RPS6KC1: variants seen among roughly 807,000 people sequenced by gnomAD.
RPS6KC1 encodes the protein ribosomal protein S6 kinase C1, also known as inactive ribosomal protein S6 kinase delta-1.
Under a neutral mutation model 103.8 loss-of-function variants are expected in RPS6KC1, and 54 were observed. The ratio of observed to expected loss-of-function variants is 0.52; its 90% CI spans 0.42 to 0.65. RPS6KC1 has a LOEUF of 0.65. RPS6KC1 is among the 30% of genes least tolerant of loss of function. RPS6KC1 has a pLI of 0.00. For synonymous variants in RPS6KC1, 439 were observed against 438.7 expected (o/e 1.00, Z -0.01); for missense variants, 1,151 against 1,253.8 (o/e 0.92, Z 1.24).
At chr1:213,338,248 C>A in the RPS6KC1 span, among the ~76,000 whole-genome samples, 1 of 152,166 alleles carries the variant, frequency 6.6e-6, no homozygotes, top group Non-Finnish European at 1.5e-5. Context: ...AACTTCACTC[C>A]CCCTTATGTG....
chr1:213,087,136 T>C (rs528072016), intron 3 of RPS6KC1, among the ~76,000 whole-genome samples: 6 of 152,356 alleles, frequency 3.9e-5, no homozygotes, highest in East Asian at 1.9e-4. Flanking sequence ...AATGGACTTA[T>C]AAGATCACTT....
At chr1:213,495,873 A>T in the RPS6KC1 span, among the ~76,000 whole-genome samples, 1 of 152,260 alleles carries the variant, frequency 6.6e-6, no homozygotes, top group African/African-American at 2.4e-5. Context: ...ATACAAACAT[A>T]ATACAAGGTA....
At chr1:213,314,859 G>C in the RPS6KC1 span, among the ~76,000 whole-genome samples, 1 of 152,078 alleles carries the variant, frequency 6.6e-6, no homozygotes, top group East Asian at 1.9e-4. Flanking sequence ...AATTATGAGA[G>C]ATACTCCAAT....
chr1:213,531,991 C>T, the RPS6KC1 span, among the ~76,000 whole-genome samples: 4 of 152,224 alleles, frequency 2.6e-5, no homozygotes, highest in South Asian at 2.1e-4. Flanking sequence ...CCCCTACCCT[C>T]GTTCCTAGCT....
At chr1:213,733,475 G>A in the RPS6KC1 span, among the ~76,000 whole-genome samples, 730 of 150,852 alleles carry the variant, frequency 4.8e-3, 6 homozygotes, top group Non-Finnish European at 7.6e-3. Flanking sequence ...GGGCTCAAGC[G>A]ATCATCCTGC....
the RPS6KC1 span, among the ~76,000 whole-genome samples, chr1:213,490,534 C>T: frequency 1.3e-5 from 2 of 152,098 alleles, no homozygotes; most frequent in Non-Finnish European, 2.9e-5. Context: ...ACCTGGGTGT[C>T]GGACAATGGT....
chr1:213,128,557 A>G (rs912692154), intron 5 of RPS6KC1, among the ~76,000 whole-genome samples: 2 of 152,224 alleles, frequency 1.3e-5, no homozygotes, highest in Non-Finnish European at 2.9e-5. Flanking sequence ...TATATGAACT[A>G]GGAGAAGGAA....
the RPS6KC1 span, among the ~76,000 whole-genome samples, chr1:213,450,301 C>T: frequency 6.6e-6 from 1 of 151,110 alleles, no homozygotes; most frequent in Non-Finnish European, 1.5e-5. Flanking sequence ...CAGCAGGTTT[C>T]ATCAAAGACT....
the RPS6KC1 span, among the ~76,000 whole-genome samples, chr1:213,547,164 G>A: frequency 6.6e-6 from 1 of 152,132 alleles, no homozygotes; most frequent in South Asian, 2.1e-4. Context: ...CATATTAAAG[G>A]TACCTGCTAT....
intron 8 of RPS6KC1, among the ~76,000 whole-genome samples, chr1:213,214,996 T>A (rs2093621113): frequency 6.6e-6 from 1 of 152,110 alleles, no homozygotes; most frequent in Non-Finnish European, 1.5e-5. Flanking sequence ...GGAACACAGC[T>A]CCTCACCAGC....
the RPS6KC1 span, among the ~76,000 whole-genome samples, chr1:213,363,604 C>CGCTTGCTTGCTTGCTTGCTT: frequency 3.5e-5 from 3 of 85,180 alleles, no homozygotes; most frequent in African/African-American, 1.3e-4. Flanking sequence ...CTTGCTCGCT[C>CGCTTGCTTGCTTGCTTGCTT]GCTTGCTTGC....
At chr1:213,165,389 C>G (rs1485686058) in intron 6 of RPS6KC1, among the ~76,000 whole-genome samples, 2 of 151,624 alleles carry the variant, frequency 1.3e-5, no homozygotes, top group Non-Finnish European at 2.9e-5. Flanking sequence ...CGCCACCATG[C>G]CTGGCTAATT....
chr1:213,821,692 A>C, the RPS6KC1 span: 36,431 of 151,854 alleles, frequency 0.24, 5,964 homozygotes, highest in African/African-American at 0.45. Context: ...TCCCCCCCAC[A>C]CGTCTTCACC....
the RPS6KC1 span, among the ~76,000 whole-genome samples, chr1:213,432,162 C>T: frequency 6.6e-6 from 1 of 152,136 alleles, no homozygotes; most frequent in Non-Finnish European, 1.5e-5. Context: ...TTTCTAGATA[C>T]AAGTCCTATG....
chr1:213,660,122 T>C, the RPS6KC1 span, among the ~76,000 whole-genome samples: 4,660 of 152,318 alleles, frequency 0.031, 128 homozygotes, highest in East Asian at 0.14. Flanking sequence ...TTGGGCATAT[T>C]AGCTTGGCTA....
chr1:213,279,517 C>T (rs868157751), downstream of RPS6KC1, among the ~76,000 whole-genome samples: 5 of 152,184 alleles, frequency 3.3e-5, no homozygotes, highest in Non-Finnish European at 5.9e-5. Flanking sequence ...ACCCCTGGGT[C>T]CTAACTCACT....
chr1:213,108,332 A>G (rs778949254), intron 4 of RPS6KC1, among the ~76,000 whole-genome samples: 45 of 152,140 alleles, frequency 3.0e-4, no homozygotes, highest in Non-Finnish European at 5.0e-4. Flanking sequence ...TCTGAGCATC[A>G]TTTGTTGAAA....
Position 213,240,681 on chromosome 1 carries a change from TTTTGTTATAC to T in RPS6KC1, c.1226-18_1226-9del. 2 of 1,559,476 alleles carry T rather than the reference TTTTGTTATAC, an allele frequency of 1.3e-6. No individual in the cohort carries two copies. The highest frequency in any genetic ancestry group is 1.7e-6 in the Non-Finnish European group (2 of 1,154,476). ...TTGGAGATCTTAATACTTTTGTTTG[TTTTGTTATAC>T]TTGTTCACAGGTGGCAAACTGTGGT... On this transcript the variant is annotated splice_polypyrimidine_tract_variant and intron_variant, in intron 10 of 14. Transcript: ENST00000366960.
In RPS6KC1 at chr1:213,241,290, G is replaced by A. The variant is rs758543785; in HGVS notation, c.1814G>A (p.Ser605Asn). 2 of 1,613,950 alleles carry A rather than the reference G, an allele frequency of 1.2e-6. No individual in the cohort carries two copies. Among genetic ancestry groups the A allele is most frequent in the East Asian group, 2.2e-5 (1 of 44,882 alleles). The part of the protein sequence containing the change: ...NSPMEFFRID[S>N]KDSASELLGL... ...CCCATGGAATTCTTTAGGATAGACA[G>A]TAAGGATAGCGCAAGTGAACTCCTG... The change falls in exon 11 of 15, where the codon AGT (serine) becomes AAT (asparagine). Residue 605 changes from serine to asparagine, a missense_variant. This residue lies in a region of RPS6KC1 where 959 missense variants were observed against 1,006.3 expected (regional missense o/e 0.95). Transcript: ENST00000366960.
Sources: gnomAD v4.1 joint callset for allele counts (sites outside exome capture counted in the v4.1 genomes callset) on GRCh38, gnomAD v4.1.1 for gene constraint, gnomAD v4.1.1 regional missense constraint, MANE v1.5 for transcripts, NCBI Gene and HGNC (gene_info 2026-07-23, HGNC 2026-07-21) for gene names.